Variants in VPS41 observed in about 807,000 individuals in gnomAD.
VPS41 encodes the protein VPS41 subunit of HOPS complex.
VPS41 carries 85 observed loss-of-function variants against 130.9 expected under a neutral mutation model. The ratio of observed to expected loss-of-function variants is 0.65; its 90% CI spans 0.55 to 0.78. The LOEUF is 0.78. VPS41 is among the 30% of genes least tolerant of loss of function. The probability of loss-of-function intolerance (pLI) is 0.00; values close to 1 mark genes in which losing one functional copy is unlikely to be tolerated. For missense variants in VPS41, 874 were observed against 1,018.7 expected, an observed-to-expected ratio of 0.86 and a Z score of 1.93; for synonymous variants, 335 against 332.9, an observed-to-expected ratio of 1.01 and a Z score of -0.07.
chr7:38,784,996 GT>G (rs1264764191), intron 10 of VPS41, among the ~76,000 whole-genome samples: 1 of 152,140 alleles, frequency 6.6e-6, no homozygotes, highest in African/African-American at 2.4e-5. Context: ...AAACAAAAAT[GT>G]GTGTCAAGCA....
intron 5 of VPS41, among the ~76,000 whole-genome samples, chr7:38,828,942 T>C (rs571473446): frequency 1.1e-4 from 17 of 152,314 alleles, no homozygotes; most frequent in African/African-American, 3.8e-4. Context: ...TCGTTTCCAA[T>C]TTTTAATAAA....
At chr7:38,775,627 C>G (rs1337075252) in intron 11 of VPS41, 1 of 152,020 alleles carries the variant, frequency 6.6e-6, no homozygotes, top group Non-Finnish European at 1.5e-5. Flanking sequence ...GAAGCCAACC[C>G]TATTGATTTT....
chr7:38,904,465 A>G (rs146864776), intron 1 of VPS41, among the ~76,000 whole-genome samples: 1 of 152,048 alleles, frequency 6.6e-6, no homozygotes, highest in Non-Finnish European at 1.5e-5. Flanking sequence ...TCCTTTAGTT[A>G]GTAGTAACAC....
chr7:38,737,101 C>T (rs973371318), intron 25 of VPS41, among the ~76,000 whole-genome samples: 4 of 152,128 alleles, frequency 2.6e-5, no homozygotes, highest in African/African-American at 9.7e-5. Flanking sequence ...ACAGGCCAGG[C>T]GCGGTGGCTC....
intron 4 of VPS41, among the ~76,000 whole-genome samples, chr7:38,850,096 T>C (rs984181530): frequency 6.6e-6 from 1 of 152,202 alleles, no homozygotes; most frequent in African/African-American, 2.4e-5. Flanking sequence ...TAGCAGACAT[T>C]TGTCACTCTT....
At position 38,789,815 on chromosome 7, in the gene VPS41, C is replaced by T. The variant is rs1784504176; in HGVS notation, c.770G>A (p.Arg257Gln). The T allele has an allele frequency of 4.3e-6, 7 of 1,613,634 alleles. No homozygotes were observed. The highest frequency in any genetic ancestry group is 2.2e-5 in the East Asian group (1 of 44,860). The change falls in exon 10 of 29, where the codon CGA becomes CAA. Residue 257 changes from arginine to glutamine, a missense_variant. Transcript: ENST00000310301. ...HASEMRDLPS[R>Q]YVEIVSQFET... ...TGGAGCCATACCTATTTCAACATAT[C>T]GACTTGGCAAATCCCTCATTTCACT...
chr7:38,864,371 G>A (rs1194596483), intron 3 of VPS41, among the ~76,000 whole-genome samples: 1 of 151,742 alleles, frequency 6.6e-6, no homozygotes, highest in Admixed American at 6.6e-5. Context: ...AAAATAGAAA[G>A]AAAACATAAA....
chr7:38,866,754 T>C (rs915930087), intron 3 of VPS41, among the ~76,000 whole-genome samples: 42 of 151,860 alleles, frequency 2.8e-4, no homozygotes, highest in African/African-American at 9.9e-4. Flanking sequence ...ATGGACCAAA[T>C]CCTAGGAAAG....
intron 2 of VPS41, among the ~76,000 whole-genome samples, chr7:38,885,219 G>A (rs781496348): frequency 7.9e-5 from 12 of 152,230 alleles, no homozygotes; most frequent in Middle Eastern, 3.4e-3. Flanking sequence ...AATTACAGGC[G>A]CATGCCACTA....
chr7:38,814,491 A>C (rs750384093), intron 7 of VPS41, among the ~76,000 whole-genome samples: 2 of 152,180 alleles, frequency 1.3e-5, no homozygotes, highest in Non-Finnish European at 2.9e-5. Flanking sequence ...TCTACTAAAA[A>C]TACAAAATAT....
intron 2 of VPS41, among the ~76,000 whole-genome samples, chr7:38,881,025 G>A (rs1371676548): frequency 1.3e-5 from 2 of 152,146 alleles, no homozygotes; most frequent in African/African-American, 2.4e-5. Context: ...AAGGAGACAA[G>A]GTCATTCAAT....
chr7:38,843,044 A>G (rs1220816956), intron 4 of VPS41, among the ~76,000 whole-genome samples: 1 of 152,238 alleles, frequency 6.6e-6, no homozygotes, highest in African/African-American at 2.4e-5. Flanking sequence ...AAATACATAA[A>G]TAAACAAAAG....
chr7:38,847,923 G>A (rs1370604457), intron 4 of VPS41, among the ~76,000 whole-genome samples: 1 of 152,076 alleles, frequency 6.6e-6, no homozygotes, highest in African/African-American at 2.4e-5. Context: ...AAAAAGGGTG[G>A]GTAGTACAAA....
chr7:38,728,895 C>A, intron 25 of VPS41, 104 bp from the exon 26 acceptor site: 1 of 995,864 alleles, frequency 1.0e-6, no homozygotes. Context: ...GCTTGAAATA[C>A]TCAAAAGGGG....
intron 7 of VPS41, among the ~76,000 whole-genome samples, chr7:38,815,962 A>ACCT (rs1231002783): frequency 2.0e-5 from 3 of 152,006 alleles, no homozygotes; most frequent in Non-Finnish European, 4.4e-5. Context: ...ACACACACAC[A>ACCT]CATCTATCCT....
At chr7:38,856,428 A>C (rs984768366) in intron 4 of VPS41, among the ~76,000 whole-genome samples, 1 of 152,118 alleles carries the variant, frequency 6.6e-6, no homozygotes, top group Non-Finnish European at 1.5e-5. Context: ...CTCAGTATAA[A>C]ATTTCTAATT....
At chr7:38,791,726 G>A (rs1427790927) in intron 9 of VPS41, among the ~76,000 whole-genome samples, 1 of 152,118 alleles carries the variant, frequency 6.6e-6, no homozygotes, top group South Asian at 2.1e-4. Context: ...GTAACGGAGA[G>A]GCAGATCACA....
At chr7:38,867,558 T>A (rs752825423) in intron 3 of VPS41, among the ~76,000 whole-genome samples, 15 of 149,866 alleles carry the variant, frequency 1.0e-4, no homozygotes, top group East Asian at 2.0e-4. Context: ...AAAAAAAAAA[T>A]AAATAAATAA....
intron 4 of VPS41, among the ~76,000 whole-genome samples, chr7:38,858,981 T>C (rs1179755128): frequency 6.6e-6 from 1 of 152,142 alleles, no homozygotes; most frequent in Non-Finnish European, 1.5e-5. Context: ...TGTGCGTTAC[T>C]ACCCCTGAAG....
Sources: allele counts gnomAD v4.1 joint callset (sites outside exome capture counted in the v4.1 genomes callset), GRCh38; gene constraint gnomAD v4.1.1; transcripts MANE v1.5; gene names NCBI Gene and HGNC (gene_info 2026-07-23, HGNC 2026-07-21).